Variants in KCNK1 observed in about 807,000 individuals in gnomAD.
KCNK1 encodes potassium two pore domain channel subfamily K member 1, also known as potassium channel subfamily K member 1.
A neutral mutation model predicts 22.2 loss-of-function variants in KCNK1; 10 were observed. The ratio of observed to expected loss-of-function variants is 0.45; its 90% CI spans 0.28 to 0.76. The LOEUF (loss-of-function observed/expected upper bound fraction) is 0.76, where lower values mean the gene tolerates loss of function less well. Among genes scored for constraint, KCNK1 ranks in the 30% least tolerant of loss-of-function variants. The pLI, the probability that KCNK1 is intolerant of heterozygous loss-of-function variation, is 0.14. For synonymous variants in KCNK1, 200 were observed against 186.4 expected, an observed-to-expected ratio of 1.07 and a Z score of -0.60; for missense variants, 378 against 421.0, an observed-to-expected ratio of 0.90 and a Z score of 0.89.
At chr1:233,635,910 G>T (rs1233197797) in intron 1 of KCNK1, among the ~76,000 whole-genome samples, 1 of 152,220 alleles carries the variant, frequency 6.6e-6, no homozygotes, top group Non-Finnish European at 1.5e-5. Flanking sequence ...AGAGAACGTT[G>T]ATATTTTATA....
In KCNK1 at chr1:233,614,400, C is replaced by T. The variant is rs759756080; in HGVS notation, c.229C>T (p.Gln77Ter). 11 of 1,611,732 alleles carry T rather than the reference C, an allele frequency of 6.8e-6. No homozygotes were observed. Among genetic ancestry groups the T allele is most frequent in the Non-Finnish European group, 8.5e-6 (10 of 1,179,102 alleles). ...GTGCCTGTCTGAGCAGCAGCTGGAG[C>T]AGTTCCTGGGCCGGGTGCTGGAGGC... ...HECLSEQQLE[Q>*]FLGRVLEASN... Residue 77 changes from glutamine to a stop codon, truncating the protein, a stop_gained, in exon 1 of 3, where the codon CAG (glutamine) becomes TAG (stop). Transcript: ENST00000366621. LOFTEE classifies it high-confidence loss of function.
At chr1:233,617,101 A>G (rs1210578894) in intron 1 of KCNK1, among the ~76,000 whole-genome samples, 1 of 152,056 alleles carries the variant, frequency 6.6e-6, no homozygotes, top group Admixed American at 6.5e-5. Flanking sequence ...AATCACTGAG[A>G]TAATTGTTAC....
chr1:233,628,192 A>G (rs1571891254), intron 1 of KCNK1, among the ~76,000 whole-genome samples: 2 of 152,322 alleles, frequency 1.3e-5, no homozygotes, highest in African/African-American at 4.8e-5. Context: ...GGCTTGGGGA[A>G]TGGAGCTGGC....
chr1:233,649,736 T>A (rs1334198186), intron 1 of KCNK1, among the ~76,000 whole-genome samples: 1 of 152,168 alleles, frequency 6.6e-6, no homozygotes, highest in East Asian at 1.9e-4. Flanking sequence ...CCTTATGACC[T>A]AATCACCTCC....
rs77140783 is a variant in KCNK1 at position 233,671,723 on chromosome 1, G to A, written c.*193G>A. On this transcript the variant is annotated 3_prime_UTR_variant, in exon 3 of 3. Transcript: ENST00000366621. The stretch of plus-strand genomic sequence containing the variant: ...AAAGAAGCTGTGACCCCAGCAGGAT[G>A]TCTAATATGTGAGGAAATGAGATGT... 5,259 of 630,178 alleles carry A rather than the reference G, an allele frequency of 8.3e-3. 194 individuals carry two copies. In the African/African-American group the frequency reaches 0.085, roughly 10 times the overall value. The allele number at this position is 630,178 out of a possible 1,614,324, so 39.0% of individuals were successfully genotyped here. A position where few individuals can be genotyped will look rare whatever the true frequency, so the allele number is the denominator to read the frequency against.
At chr1:233,646,076 C>T (rs530092436) in intron 1 of KCNK1, among the ~76,000 whole-genome samples, 1 of 152,224 alleles carries the variant, frequency 6.6e-6, no homozygotes, top group South Asian at 2.1e-4. Flanking sequence ...TAGGGTGTAA[C>T]ATGGTGAAGA....
At chr1:233,665,935 T>G (rs1458150715) in intron 1 of KCNK1, among the ~76,000 whole-genome samples, 1 of 152,246 alleles carries the variant, frequency 6.6e-6, no homozygotes, top group Non-Finnish European at 1.5e-5. Flanking sequence ...GGAGTCTTTT[T>G]CTAAGATGGA....
chr1:233,623,706 A>C (rs946910354), intron 1 of KCNK1, among the ~76,000 whole-genome samples: 2 of 152,190 alleles, frequency 1.3e-5, no homozygotes, highest in Non-Finnish European at 2.9e-5. Flanking sequence ...CTCCTGCCTC[A>C]GCCTCCTGAG....
intron 1 of KCNK1, among the ~76,000 whole-genome samples, chr1:233,642,238 ATGTGT>A (rs1658012077): frequency 6.6e-6 from 1 of 152,280 alleles, no homozygotes; most frequent in Non-Finnish European, 1.5e-5. Context: ...TCAGCTGCAG[ATGTGT>A]TGTTTGTGTT....
chr1:233,621,398 A>C (rs1255385780), intron 1 of KCNK1, among the ~76,000 whole-genome samples: 2 of 152,252 alleles, frequency 1.3e-5, no homozygotes, highest in Admixed American at 1.3e-4. Context: ...ATATAGAGGT[A>C]CATGATAGTT....
At position 233,671,181 on chromosome 1, in the gene KCNK1, G is replaced by T. The variant is rs1017612892; in HGVS notation, c.752-90G>T. Reference sequence around the variant, plus strand: ...ATGAGTTTATTCCTTAACAAACACTGTGTTGGCATGAGGTGGGGAGGTAAA... The same window carrying T: ...ATGAGTTTATTCCTTAACAAACACTTTGTTGGCATGAGGTGGGGAGGTAAA... On this transcript the variant is annotated intron_variant, in intron 2 of 2. Transcript: ENST00000366621. 1.5e-5 allele frequency: 18 copies of T among 1,176,176 alleles called. No homozygotes were observed. In the East Asian group the frequency reaches 1.6e-4, roughly 11 times the overall value. 72.9% of individuals were successfully genotyped at this position (1,176,176 alleles called of 1,614,324 possible). A position where few individuals can be genotyped will look rare whatever the true frequency, so the allele number is the denominator to read the frequency against.
chr1:233,671,793 G>T lies in KCNK1; in HGVS notation c.*263G>T. ...GACAAAATTATCTCGACCTTACATA[G>T]GAGGAGAATACTTGAAGCAGTATGC... On this transcript the variant is annotated 3_prime_UTR_variant, in exon 3 of 3. Transcript: ENST00000366621. 1 of 474,648 alleles carries T rather than the reference G, an allele frequency of 2.1e-6. No homozygotes were observed. Among genetic ancestry groups the T allele is most frequent in the Non-Finnish European group, 3.8e-6 (1 of 265,336 alleles). 29.4% of individuals were successfully genotyped at this position (474,648 alleles called of 1,614,324 possible). A position where few individuals can be genotyped will look rare whatever the true frequency, so the allele number is the denominator to read the frequency against.
rs779368911 is a variant in KCNK1, at chr1:233,614,444, G to A, written c.273G>A (p.Ser91=). 3 of 1,613,262 alleles carry A rather than the reference G, an allele frequency of 1.9e-6. No homozygotes were observed. In the Admixed American group the frequency reaches 5.0e-5, roughly 27 times the overall value. ...RVLEASNYGV[S]VLSNASGNWN... ...TGGAGGCCAGCAACTACGGCGTGTC[G>A]GTGCTCAGCAACGCCTCGGGCAACT... The change falls in exon 1 of 3, where the codon TCG becomes TCA. Residue 91 remains serine, a synonymous_variant. Coordinates refer to ENST00000366621, the MANE Select transcript of KCNK1 (RefSeq NM_002245.4).
At chr1:233,647,246 A>G (rs2102899119) in intron 1 of KCNK1, among the ~76,000 whole-genome samples, 1 of 152,182 alleles carries the variant, frequency 6.6e-6, no homozygotes, top group African/African-American at 2.4e-5. Flanking sequence ...GGTATGTGTG[A>G]TGGTTTAGCG....
At chr1:233,618,940 C>T (rs1354036219) in intron 1 of KCNK1, among the ~76,000 whole-genome samples, 2 of 152,184 alleles carry the variant, frequency 1.3e-5, no homozygotes, top group African/African-American at 2.4e-5. Context: ...TGTATTCATG[C>T]AGTATACAAA....
At chr1:233,662,939 G>A (rs1003661674) in intron 1 of KCNK1, among the ~76,000 whole-genome samples, 2 of 152,202 alleles carry the variant, frequency 1.3e-5, no homozygotes, top group East Asian at 1.9e-4. Context: ...TTCGTGGTTT[G>A]TAATGGAGTT....
At chr1:233,614,704 C>G (rs1657453435) in intron 1 of KCNK1, among the ~76,000 whole-genome samples, 178 bp downstream of exon 1, 1 of 149,658 alleles carries the variant, frequency 6.7e-6, no homozygotes, top group Non-Finnish European at 1.5e-5. Context: ...CTTCCCCTTA[C>G]TGGCGTCCCC....
intron 1 of KCNK1, among the ~76,000 whole-genome samples, chr1:233,661,540 T>G (rs184607146): frequency 1.3e-5 from 2 of 152,380 alleles, no homozygotes; most frequent in African/African-American, 4.8e-5. Context: ...CATGACTTGT[T>G]ACCTCTGTGA....
intron 1 of KCNK1, among the ~76,000 whole-genome samples, chr1:233,626,610 A>C (rs2102885455): frequency 6.6e-6 from 1 of 152,318 alleles, no homozygotes; most frequent in East Asian, 1.9e-4. Context: ...CTAGAATGTC[A>C]GTAAGTAGAA....
Sources: allele counts gnomAD v4.1 joint callset (sites outside exome capture counted in the v4.1 genomes callset), GRCh38; gene constraint gnomAD v4.1.1; transcripts MANE v1.5; gene names NCBI Gene and HGNC (gene_info 2026-07-23, HGNC 2026-07-21).